The following LEMD1 variants were observed in gnomAD, a reference collection of about 807,000 sequenced individuals.
LEMD1 encodes the protein LEM domain containing 1, also known as LEM domain-containing protein 1.
LEMD1 carries 18 observed loss-of-function variants against 17.4 expected under a neutral mutation model. The observed-to-expected ratio is 1.04, with a 90% CI of 0.72 to 1.54. The LOEUF (loss-of-function observed/expected upper bound fraction) is 1.54. Ranked by LOEUF, LEMD1 falls within the 40% of genes most tolerant of loss-of-function variation. LEMD1 has a pLI of 0.00. For synonymous variants in LEMD1, 88 were observed against 77.8 expected (o/e 1.13, Z -0.69); for missense variants, 195 against 210.4 (o/e 0.93, Z 0.45).
intron 4 of LEMD1, among the ~76,000 whole-genome samples, chr1:205,411,172 A>G (rs919681430): frequency 2.1e-5 from 3 of 143,370 alleles, no homozygotes; most frequent in African/African-American, 5.2e-5. Context: ...GAGAGAGAGA[A>G]AGAAGGAAAG....
At chr1:205,383,729 G>C (rs1450094350) in intron 5 of LEMD1, among the ~76,000 whole-genome samples, 1 of 150,524 alleles carries the variant, frequency 6.6e-6, no homozygotes, top group Non-Finnish European at 1.5e-5. Flanking sequence ...CGCCTCCCTG[G>C]TTCAAGCAAT....
In LEMD1 at chr1:205,419,348, G is replaced by A; in HGVS notation, c.87C>T (p.Ser29=). 3.7e-6 allele frequency: 6 copies of A among 1,614,110 alleles called. No individual in the cohort carries two copies. The highest frequency in any genetic ancestry group is 5.1e-6 in the Non-Finnish European group (6 of 1,179,998). Residue 29 remains serine, a synonymous_variant, in exon 3 of 6, where the codon TCC becomes TCT. Coordinates refer to ENST00000367153, the MANE Select transcript of LEMD1 (RefSeq NM_001199050.2). ...LGFSPGPILP[S]TRKLYEKKLV... ...ACTTTTTTTCATACAACTTTCTGGTGGAAGCTGAGGAAGAATTTGGAGAAC... is the reference window on the plus strand; with the variant it reads ...ACTTTTTTTCATACAACTTTCTGGTAGAAGCTGAGGAAGAATTTGGAGAAC...
At chr1:205,402,265 T>C (rs1178829615) in intron 4 of LEMD1, among the ~76,000 whole-genome samples, 7 of 152,190 alleles carry the variant, frequency 4.6e-5, no homozygotes, top group African/African-American at 1.7e-4. Context: ...TTGATGGGGA[T>C]GGCATTGAAT....
rs1664930882 is a variant in LEMD1 at position 205,403,181 on chromosome 1, GC to G, written c.270+13050del. On this transcript the variant is annotated intron_variant, in intron 4 of 5. Transcript: ENST00000367153. ...AATTCTCTTTTTTGGTTGTGTCTCTGCCCGGCTTTGGTATCAGGATGGTACT... is the reference window on the plus strand; with the variant it reads ...AATTCTCTTTTTTGGTTGTGTCTCTGCCGGCTTTGGTATCAGGATGGTACT... 3.9e-5 allele frequency among the ~76,000 whole-genome samples: 6 copies of G among 152,268 alleles called. No individual in the cohort carries two copies. In the South Asian group the frequency reaches 1.2e-3, roughly 32 times the overall value.
intron 1 of LEMD1, among the ~76,000 whole-genome samples, chr1:205,420,919 G>A (rs1665932475): frequency 6.7e-6 from 1 of 149,306 alleles, no homozygotes. Context: ...GAGAAGATAA[G>A]AAGTTAATTA....
rs954288710 is a variant in LEMD1 at position 205,441,996 on chromosome 1, C to G, written c.-39+7872G>C. 6.6e-4 allele frequency among the ~76,000 whole-genome samples: 101 copies of G among 152,320 alleles called. No individual in the cohort carries two copies. The highest frequency in any genetic ancestry group is 2.4e-3 in the African/African-American group (99 of 41,566). ...GCAAGAGTATCCCTTTCTCCAAAGG[C>G]TCATTTAGGTTTCCCTAGCCTTAAC... On this transcript the variant is annotated intron_variant, in intron 1 of 3. Coordinates refer to the LEMD1 transcript ENST00000367154. This position sits in a 1 kb window ranked among gnomAD's most constrained non-coding sequence, Gnocchi z 4.3.
chr1:205,413,776 C>T (rs1665567498), intron 4 of LEMD1, among the ~76,000 whole-genome samples: 1 of 151,648 alleles, frequency 6.6e-6, no homozygotes. Context: ...CCTTAGCCTC[C>T]TGAGTAGCTG....
chr1:205,429,695 T>TAAGAGTAG (rs1435404155), intron 1 of LEMD1, among the ~76,000 whole-genome samples: 1 of 152,110 alleles, frequency 6.6e-6, no homozygotes, highest in Non-Finnish European at 1.5e-5. Context: ...ATGACTCCTC[T>TAAGAGTAG]ACTCTCCTTA....
chr1:205,446,274 A>G (rs1666386721), intron 1 of LEMD1, among the ~76,000 whole-genome samples: 1 of 152,248 alleles, frequency 6.6e-6, no homozygotes, highest in Admixed American at 6.5e-5. Context: ...TGTAACCCCC[A>G]GAAGCAATCC....
At chr1:205,396,083 T>C (rs114336610) in intron 4 of LEMD1, among the ~76,000 whole-genome samples, 2,162 of 152,222 alleles carry the variant, frequency 0.014, 60 homozygotes, top group African/African-American at 0.049. Flanking sequence ...TCAAAGCTCA[T>C]TGTAGCCTTG....
chr1:205,415,912 A>G (rs1004292831), intron 4 of LEMD1, among the ~76,000 whole-genome samples: 2 of 152,208 alleles, frequency 1.3e-5, no homozygotes, highest in Admixed American at 1.3e-4. Flanking sequence ...CTGTGGGCCC[A>G]GAACCAAGCT....
intron 4 of LEMD1, among the ~76,000 whole-genome samples, chr1:205,396,569 A>G (rs996954692): frequency 6.6e-6 from 1 of 150,726 alleles, no homozygotes; most frequent in Non-Finnish European, 1.5e-5. Context: ...ATAGGGAATG[A>G]ATAAAAATAC....
chr1:205,415,872 G>T (rs1665671493), intron 4 of LEMD1, among the ~76,000 whole-genome samples: 1 of 152,176 alleles, frequency 6.6e-6, no homozygotes, highest in African/African-American at 2.4e-5. Context: ...AAAGCGAACG[G>T]GATGGAAACT....
chr1:205,448,782 TG>T lies in LEMD1; in HGVS notation c.-39+1085del, dbSNP rs1047142869. 1.3e-5 allele frequency among the ~76,000 whole-genome samples: 2 copies of T among 152,220 alleles called. No homozygotes were observed. The highest frequency in any genetic ancestry group is 1.3e-4 in the Admixed American group (2 of 15,292). On this transcript the variant is annotated intron_variant, in intron 1 of 3. Coordinates refer to the LEMD1 transcript ENST00000367154. This position sits in a 1 kb window ranked among gnomAD's most constrained non-coding sequence, Gnocchi z 4.7. ...AGGCTGCTGCTGCCAGTACCCAGGA[TG>T]GGGGGCCCCAGGTTAGGCTCCCTCT...
chr1:205,409,587 G>A (rs899402623), intron 4 of LEMD1, among the ~76,000 whole-genome samples: 3 of 150,454 alleles, frequency 2.0e-5, no homozygotes, highest in Non-Finnish European at 4.4e-5. Context: ...TTGAACCCAG[G>A]CAGTCTGGCT....
At chr1:205,447,491 G>C (rs1180878047) in intron 1 of LEMD1, among the ~76,000 whole-genome samples, 2 of 152,144 alleles carry the variant, frequency 1.3e-5, no homozygotes, top group East Asian at 3.9e-4. Flanking sequence ...GTAGGAGGCG[G>C]GGTACGAGGA....
At position 205,403,820 on chromosome 1, in the gene LEMD1, C is replaced by A. The variant is rs367744446; in HGVS notation, c.270+12412G>T. On this transcript the variant is annotated intron_variant, in intron 4 of 5. Transcript: ENST00000367153. ...GGGTGTCAATTTTGGATCTTTCCTG[C>A]TTTCTCTTGTGGGCATTTAGTGCTA... Among the ~76,000 whole-genome samples, 7 of 152,138 alleles carry A rather than the reference C, an allele frequency of 4.6e-5. No individual in the cohort carries two copies. The East Asian group carries it at 1.3e-3, about 29-fold the overall frequency.
intron 4 of LEMD1, among the ~76,000 whole-genome samples, chr1:205,398,620 G>A (rs1664696668): frequency 6.6e-6 from 1 of 152,210 alleles, no homozygotes; most frequent in African/African-American, 2.4e-5. Context: ...AGGCAGAAGG[G>A]ACATGGACAC....
At chr1:205,434,453 C>T (rs1666173949) in intron 1 of LEMD1, among the ~76,000 whole-genome samples, 1 of 151,776 alleles carries the variant, frequency 6.6e-6, no homozygotes, top group African/African-American at 2.4e-5. Flanking sequence ...CCTACCTTGG[C>T]CTCACAGGCA....
Sources: allele counts gnomAD v4.1 joint callset (sites outside exome capture counted in the v4.1 genomes callset), GRCh38; gene constraint gnomAD v4.1.1; non-coding constraint Gnocchi (gnomAD v3.1); transcripts MANE v1.5; gene names NCBI Gene and HGNC (gene_info 2026-07-23, HGNC 2026-07-21).